Variants in MCPH1 observed in about 807,000 individuals in gnomAD.
MCPH1 encodes microcephalin.
Under a neutral mutation model 84.5 loss-of-function variants are expected in MCPH1, and 104 were observed. The observed-to-expected ratio is 1.23, with a 90% confidence interval of 1.05 to 1.45. MCPH1 has a LOEUF of 1.45. Ranked by LOEUF, MCPH1 falls within the 40% of genes most tolerant of loss-of-function variation. MCPH1 has a pLI of 0.00. For synonymous variants in MCPH1, 514 were observed against 366.8 expected (o/e 1.40, Z -4.58); for missense variants, 1,498 against 1,005.7 (o/e 1.49, Z -6.62).
chr8:6,549,405 T>C (rs1262094711), intron 12 of MCPH1, among the ~76,000 whole-genome samples: 2 of 152,152 alleles, frequency 1.3e-5, no homozygotes, highest in Non-Finnish European at 2.9e-5. Flanking sequence ...AATTAACCCA[T>C]GGTGGGTGAC....
At chr8:6,627,185 G>C (rs1202087174) in intron 13 of MCPH1, 1 of 985,218 alleles carries the variant, frequency 1.0e-6, no homozygotes, top group African/African-American at 1.7e-5. Flanking sequence ...GGGGCCACTC[G>C]GGAGGCCTCA....
intron 3 of MCPH1, among the ~76,000 whole-genome samples, chr8:6,420,349 T>C (rs1201788651): frequency 6.6e-6 from 1 of 152,106 alleles, no homozygotes. Context: ...CTGTACTACT[T>C]TTTATGGAGT....
chr8:6,468,357 C>T (rs1440305320), intron 9 of MCPH1, among the ~76,000 whole-genome samples: 1 of 152,146 alleles, frequency 6.6e-6, no homozygotes, highest in Non-Finnish European at 1.5e-5. Context: ...CAAGCATGAC[C>T]TGCACCCTTC....
At chr8:6,541,711 A>G (rs2129573951) in intron 12 of MCPH1, among the ~76,000 whole-genome samples, 1 of 152,314 alleles carries the variant, frequency 6.6e-6, no homozygotes, top group Admixed American at 6.5e-5. Flanking sequence ...TTAAAACTGT[A>G]CTGAATGTAG....
chr8:6,424,713 G>T (rs887500140), intron 3 of MCPH1, among the ~76,000 whole-genome samples: 1 of 152,188 alleles, frequency 6.6e-6, no homozygotes, highest in Non-Finnish European at 1.5e-5. Flanking sequence ...CTCAACTGCT[G>T]GGCTCTAGGT....
intron 10 of MCPH1, among the ~76,000 whole-genome samples, chr8:6,479,149 C>G (rs1808854409): frequency 6.6e-6 from 1 of 152,092 alleles, no homozygotes; most frequent in Non-Finnish European, 1.5e-5. Flanking sequence ...TGCCTATAGT[C>G]CCAACTACTT....
intron 12 of MCPH1, among the ~76,000 whole-genome samples, chr8:6,549,153 A>G (rs913513541): frequency 1.5e-4 from 23 of 152,360 alleles, no homozygotes; most frequent in Non-Finnish European, 2.6e-4. Context: ...TACAAGAAAA[A>G]TGATACATGG....
At chr8:6,619,394 G>T (rs964513105) in intron 12 of MCPH1, among the ~76,000 whole-genome samples, 1 of 151,734 alleles carries the variant, frequency 6.6e-6, no homozygotes, top group Non-Finnish European at 1.5e-5. Context: ...AGATTCAAGC[G>T]ATTCTCCTGC....
At chr8:6,638,926 C>G (rs1438839876) in intron 13 of MCPH1, among the ~76,000 whole-genome samples, 1 of 152,194 alleles carries the variant, frequency 6.6e-6, no homozygotes, top group Non-Finnish European at 1.5e-5. Context: ...AGAGTGCTGC[C>G]CGCACACTCA....
intron 12 of MCPH1, among the ~76,000 whole-genome samples, chr8:6,583,844 C>T (rs1285073596): frequency 1.6e-5 from 2 of 125,316 alleles, no homozygotes; most frequent in Admixed American, 8.3e-5. Context: ...TATTGGTGTT[C>T]ATTTCTTGTT....
intron 13 of MCPH1, chr8:6,624,852 C>G (rs1831893015): frequency 1.0e-6 from 1 of 984,828 alleles, no homozygotes; most frequent in Non-Finnish European, 1.2e-6. Flanking sequence ...TGCTTATTCT[C>G]TAACCAGAAA....
rs3929194 is a variant in MCPH1, at chr8:6,499,851, G to A, written c.2137-1G>A. The A allele has an allele frequency of 6.2e-7, 1 of 1,612,868 alleles. No homozygotes were observed. Among genetic ancestry groups the A allele is most frequent in the Non-Finnish European group, 8.5e-7 (1 of 1,179,788 alleles). On this transcript the variant is annotated splice_acceptor_variant, in intron 11 of 13. Transcript: ENST00000344683. LOFTEE classifies it high-confidence loss of function. ...AAATCTGCTTGTTGTGTCACTTGCA[G>A]GTGCTATGGTCTTTAGAATTGGGTC...
chr8:6,504,222 G>A (rs1204621947), intron 12 of MCPH1, among the ~76,000 whole-genome samples: 3 of 149,140 alleles, frequency 2.0e-5, no homozygotes, highest in Non-Finnish European at 4.4e-5. Flanking sequence ...GGAGGCTGAG[G>A]CAGGAGAATG....
chr8:6,527,671 T>A (rs1488727843), intron 12 of MCPH1: 2 of 1,611,962 alleles, frequency 1.2e-6, no homozygotes, highest in Non-Finnish European at 8.5e-7. Context: ...TGGTCTGATT[T>A]AATACCTAAA....
intron 12 of MCPH1, among the ~76,000 whole-genome samples, chr8:6,510,519 C>T (rs749614064): frequency 6.6e-6 from 1 of 152,150 alleles, no homozygotes; most frequent in Admixed American, 6.5e-5. Flanking sequence ...ACCTGCTGGT[C>T]GGGCCAGGCC....
At chr8:6,413,086 A>G (rs1014410995) in intron 2 of MCPH1, among the ~76,000 whole-genome samples, 3 of 152,218 alleles carry the variant, frequency 2.0e-5, no homozygotes, top group Admixed American at 1.3e-4. Context: ...TCTGGAAAGG[A>G]TACATAAAAG....
At chr8:6,624,516 A>C (rs1162275300) in intron 13 of MCPH1, among the ~76,000 whole-genome samples, 1 of 152,206 alleles carries the variant, frequency 6.6e-6, no homozygotes, top group Non-Finnish European at 1.5e-5. Flanking sequence ...AAGATCACGT[A>C]GTTCTCAAGT....
At chr8:6,638,866 C>A (rs1033901467) in intron 13 of MCPH1, among the ~76,000 whole-genome samples, 1 of 152,150 alleles carries the variant, frequency 6.6e-6, no homozygotes, top group Admixed American at 6.5e-5. Context: ...TGGACATGAC[C>A]CTGGAGCTGT....
At chr8:6,488,855 AGGTGAAAAAT>A (rs374851427) in intron 11 of MCPH1, among the ~76,000 whole-genome samples, 383 of 152,052 alleles carry the variant, frequency 2.5e-3, no homozygotes, top group African/African-American at 7.4e-3. Context: ...AGGGTCATCG[AGGTGAAAAAT>A]GACTGCGGCT....
Sources: allele counts gnomAD v4.1 joint callset (sites outside exome capture counted in the v4.1 genomes callset), GRCh38; gene constraint gnomAD v4.1.1; transcripts MANE v1.5; gene names NCBI Gene and HGNC (gene_info 2026-07-23, HGNC 2026-07-21).